The following SLC49A3 variants were observed in gnomAD, a reference collection of about 807,000 sequenced individuals.
SLC49A3 encodes solute carrier family 49 member 3, also known as solute carrier family 49 member A3.
Under a neutral mutation model 43.8 loss-of-function variants are expected in SLC49A3, and 50 were observed. The ratio of observed to expected loss-of-function variants is 1.14; its 90% CI spans 0.91 to 1.45. The LOEUF (loss-of-function observed/expected upper bound fraction) is 1.45. Ranked by LOEUF, SLC49A3 falls within the 40% of genes most tolerant of loss-of-function variation. The probability of loss-of-function intolerance (pLI) is 0.00; values close to 1 mark genes in which losing one functional copy is unlikely to be tolerated. For synonymous variants in SLC49A3, 413 were observed against 352.0 expected (o/e 1.17, Z -1.94); for missense variants, 906 against 774.1 (o/e 1.17, Z -2.02).
At chr4:683,036 G>T (rs550855859) in intron 8 of SLC49A3, 146 bp from the exon 9 acceptor site, 96 of 1,112,836 alleles carry the variant, frequency 8.6e-5, no homozygotes, top group African/African-American at 2.7e-4. Context: ...GGCCCTATCA[G>T]CCGGCCCGGC....
downstream of SLC49A3, chr4:681,249 C>G (rs1739462721): frequency 7.3e-7 from 1 of 1,366,266 alleles, no homozygotes; most frequent in Non-Finnish European, 1.0e-6. Flanking sequence ...CGGTTAGGAC[C>G]CAGGACAGAA....
At chr4:688,367 G>A (rs975666868) in intron 1 of SLC49A3, among the ~76,000 whole-genome samples, 3 of 152,000 alleles carry the variant, frequency 2.0e-5, no homozygotes, top group Non-Finnish European at 2.9e-5. Context: ...CCCTGCCCCC[G>A]AGCTTCCTGA....
At position 686,286 on chromosome 4, in the gene SLC49A3, C is replaced by T. The variant is rs1449135290; in HGVS notation, c.311G>A (p.Trp104Ter). ...TAGCACACTCCCGGCAAAGTTCAGC[C>T]ACGCACCCAGGATGGTCTGCGAGGA... is the stretch of plus-strand genomic sequence containing the variant. ...GLRAATILGA[W>*]LNFAGSVLRM... The change falls in exon 3 of 10, where the codon TGG becomes TAG. Residue 104 changes from tryptophan (W) to a stop codon, truncating the protein, a stop_gained. Transcript: ENST00000322224. LOFTEE classifies it high-confidence loss of function. The T allele has an allele frequency of 6.2e-7, 1 of 1,613,296 alleles. No homozygotes were observed. Among genetic ancestry groups the T allele is most frequent in the South Asian group, 1.1e-5 (1 of 91,090 alleles).
downstream of SLC49A3, chr4:678,824 C>T (rs1200245830): frequency 6.2e-7 from 1 of 1,607,256 alleles, no homozygotes; most frequent in Non-Finnish European, 8.5e-7. Flanking sequence ...CTGGGAAGAC[C>T]CCATGTGGGC....
chr4:677,866 A>C, downstream of SLC49A3: 2 of 1,259,310 alleles, frequency 1.6e-6, no homozygotes, highest in Non-Finnish European at 2.3e-6. Context: ...CAGGCTGCCA[A>C]AGCTCACTCT....
At chr4:677,076 T>C (rs2109321021), downstream of SLC49A3, among the ~76,000 whole-genome samples, 1 of 152,272 alleles carries the variant, frequency 6.6e-6, no homozygotes, top group South Asian at 2.1e-4. Context: ...TGGCTGCATA[T>C]AGTCACTCCC....
intron 1 of SLC49A3, among the ~76,000 whole-genome samples, chr4:688,738 C>T (rs926681492): frequency 6.6e-6 from 1 of 152,130 alleles, no homozygotes; most frequent in Non-Finnish European, 1.5e-5. Flanking sequence ...GCTGGAGCCA[C>T]TGAAGGCTGG....
chr4:680,362 G>A, downstream of SLC49A3: 2 of 860,644 alleles, frequency 2.3e-6, no homozygotes, highest in Non-Finnish European at 3.8e-6. Context: ...CAGGAAAGGA[G>A]AAGGCCTTCA....
intron 8 of SLC49A3, 50 bp from the exon 9 acceptor site, chr4:682,940 G>T (rs2109396192): frequency 6.9e-7 from 1 of 1,442,062 alleles, no homozygotes; most frequent in Non-Finnish European, 9.4e-7. Context: ...CCCCCTCGGA[G>T]CCAGGTGCCA....
downstream of SLC49A3, chr4:678,921 G>A (rs200809057): frequency 9.9e-4 from 1,603 of 1,611,922 alleles, 1 homozygote; most frequent in Non-Finnish European, 1.3e-3. Flanking sequence ...GAGCCCAGCC[G>A]GGTTGGCAGC....
At chr4:683,507 G>A (rs917852961) in intron 7 of SLC49A3, 102 bp downstream of exon 7, 34 of 1,495,928 alleles carry the variant, frequency 2.3e-5, no homozygotes, top group African/African-American at 1.7e-4. Flanking sequence ...CTGGGCATGA[G>A]ACAGTCCAGA....
chr4:682,929 A>AC (rs1317869304), intron 8 of SLC49A3, 39 bp from the exon 9 acceptor site: 1 of 1,484,262 alleles, frequency 6.7e-7, no homozygotes, highest in African/African-American at 1.4e-5. Flanking sequence ...TGCACTGCCC[A>AC]CCCCCTCGGA....
chr4:684,909 C>T (rs149754536), intron 4 of SLC49A3, 53 bp from the exon 5 acceptor site: 54 of 1,562,044 alleles, frequency 3.5e-5, no homozygotes, highest in South Asian at 2.3e-4. Flanking sequence ...CACCCACACA[C>T]GCCGCAGCCC....
chr4:681,658 C>A (rs1371592503), downstream of SLC49A3, among the ~76,000 whole-genome samples: 5 of 48,776 alleles, frequency 1.0e-4, no homozygotes, highest in Non-Finnish European at 2.1e-4. Context: ...CCCTCCAGCG[C>A]CGCCCCGCCC....
intron 1 of SLC49A3, among the ~76,000 whole-genome samples, chr4:688,425 A>G (rs1263829828): frequency 1.3e-5 from 2 of 151,924 alleles, no homozygotes; most frequent in African/African-American, 2.4e-5. Flanking sequence ...CCTGCTGCCA[A>G]CTCTAGCTGT....
intron 2 of SLC49A3, 41 bp downstream of exon 2, chr4:686,491 G>C: frequency 6.2e-7 from 1 of 1,600,680 alleles, no homozygotes; most frequent in Non-Finnish European, 8.5e-7. Context: ...GGGGGCCCCT[G>C]CACTGTCCCG....
At chr4:678,236 G>A, downstream of SLC49A3, 1 of 1,484,920 alleles carries the variant, frequency 6.7e-7, no homozygotes, top group South Asian at 1.3e-5. Flanking sequence ...CTGTGTTGTG[G>A]GAAGTACGTG....
chr4:688,151 T>G (rs9991613), intron 1 of SLC49A3: 1 of 152,296 alleles, frequency 6.6e-6, no homozygotes, highest in Non-Finnish European at 1.5e-5. Context: ...TGCCTGGACA[T>G]GGTGGGCCAG....
chr4:690,336 T>C (rs1040560729), upstream of SLC49A3, among the ~76,000 whole-genome samples: 1 of 152,032 alleles, frequency 6.6e-6, no homozygotes, highest in Non-Finnish European at 1.5e-5. Context: ...TGGAGCCCTG[T>C]GGTCCTCACT....
Sources: gnomAD v4.1 joint callset for allele counts (sites outside exome capture counted in the v4.1 genomes callset) on GRCh38, gnomAD v4.1.1 for gene constraint, MANE v1.5 for transcripts, NCBI Gene and HGNC (gene_info 2026-07-23, HGNC 2026-07-21) for gene names.